Variants in SGCZ observed in about 807,000 individuals in gnomAD.
SGCZ encodes the protein sarcoglycan zeta.
A neutral mutation model predicts 41.3 loss-of-function variants in SGCZ; 40 were observed. The observed-to-expected ratio is 0.97, with a 90% CI of 0.75 to 1.26. The LOEUF is 1.26. Ranked by LOEUF, SGCZ falls within the 50% of genes most tolerant of loss-of-function variation. SGCZ has a pLI of 0.00. For synonymous variants in SGCZ, 206 were observed against 137.5 expected, an observed-to-expected ratio of 1.50 and a Z score of -3.49; for missense variants, 552 against 369.8, an observed-to-expected ratio of 1.49 and a Z score of -4.04.
intron 2 of SGCZ, among the ~76,000 whole-genome samples, chr8:14,489,918 G>A (rs1801795190): frequency 7.3e-6 from 1 of 137,072 alleles, no homozygotes; most frequent in South Asian, 2.3e-4. Flanking sequence ...CCAGACTGGA[G>A]TACAAGTGGC....
chr8:14,731,405 G>A (rs1810235006), intron 1 of SGCZ, among the ~76,000 whole-genome samples: 1 of 151,990 alleles, frequency 6.6e-6, no homozygotes, highest in African/African-American at 2.4e-5. Context: ...GGATAGGGGA[G>A]GGAGAGTATT....
At chr8:14,196,879 C>A (rs907778211) in intron 4 of SGCZ, among the ~76,000 whole-genome samples, 5 of 152,002 alleles carry the variant, frequency 3.3e-5, no homozygotes, top group East Asian at 1.9e-4. Flanking sequence ...CAAATAAATT[C>A]TAATTTAAAG....
At chr8:14,109,748 T>C (rs1209869426) in intron 5 of SGCZ, among the ~76,000 whole-genome samples, 1 of 152,192 alleles carries the variant, frequency 6.6e-6, no homozygotes, top group African/African-American at 2.4e-5. Context: ...TTGCATAATA[T>C]AGCAATACAG....
At chr8:15,156,194 A>C (rs1451390626) in intron 1 of SGCZ, among the ~76,000 whole-genome samples, 1 of 152,158 alleles carries the variant, frequency 6.6e-6, no homozygotes, top group African/African-American at 2.4e-5. Flanking sequence ...AAGGAGACTC[A>C]ATTAATTACT....
intron 1 of SGCZ, among the ~76,000 whole-genome samples, chr8:14,836,460 A>C (rs1802706231): frequency 6.6e-6 from 1 of 152,142 alleles, no homozygotes; most frequent in African/African-American, 2.4e-5. Flanking sequence ...CCCGCTTTCT[A>C]GTCTGTCGCC....
intron 2 of SGCZ, among the ~76,000 whole-genome samples, chr8:14,543,798 T>A (rs942387573): frequency 3.3e-5 from 5 of 152,182 alleles, no homozygotes; most frequent in African/African-American, 1.2e-4. Context: ...TACACACAAG[T>A]ACCATAGTAA....
intron 1 of SGCZ, among the ~76,000 whole-genome samples, chr8:15,058,505 T>C (rs1804797377): frequency 6.6e-6 from 1 of 152,212 alleles, no homozygotes; most frequent in African/African-American, 2.4e-5. Context: ...ATAACAAATC[T>C]TAAAAATCTT....
At chr8:14,977,986 AT>A (rs1156272088) in intron 1 of SGCZ, among the ~76,000 whole-genome samples, 2 of 151,364 alleles carry the variant, frequency 1.3e-5, no homozygotes, top group Non-Finnish European at 2.9e-5. Flanking sequence ...TTTCTTTATA[AT>A]TTGGGGATGA....
At chr8:14,183,515 T>C (rs1017894386) in intron 4 of SGCZ, among the ~76,000 whole-genome samples, 17 of 152,212 alleles carry the variant, frequency 1.1e-4, no homozygotes, top group African/African-American at 3.9e-4. Flanking sequence ...CTGCACATTA[T>C]ATTTACTCTG....
At chr8:14,718,177 C>A (rs944635126) in intron 1 of SGCZ, among the ~76,000 whole-genome samples, 1 of 151,724 alleles carries the variant, frequency 6.6e-6, no homozygotes, top group African/African-American at 2.4e-5. Context: ...CACACACAAA[C>A]ACACATACAA....
At chr8:14,313,248 T>A (rs1383517859) in intron 3 of SGCZ, among the ~76,000 whole-genome samples, 1 of 152,198 alleles carries the variant, frequency 6.6e-6, no homozygotes, top group Admixed American at 6.5e-5. Flanking sequence ...TAGTAGGAAC[T>A]ATCCAAGATG....
intron 4 of SGCZ, among the ~76,000 whole-genome samples, chr8:14,187,511 A>G (rs999375652): frequency 6.6e-6 from 1 of 152,198 alleles, no homozygotes; most frequent in African/African-American, 2.4e-5. Flanking sequence ...GAGAATATCA[A>G]CAAAGATATA....
intron 1 of SGCZ, among the ~76,000 whole-genome samples, chr8:15,005,652 T>TTA (rs57350799): frequency 6.6e-6 from 1 of 151,636 alleles, no homozygotes; most frequent in South Asian, 2.1e-4. Flanking sequence ...TTTTTTCTTT[T>TTA]ACCAGAGTCT....
At chr8:14,379,941 G>A (rs1037151686) in intron 2 of SGCZ, among the ~76,000 whole-genome samples, 5 of 152,012 alleles carry the variant, frequency 3.3e-5, no homozygotes, top group South Asian at 2.1e-4. Context: ...CATGTTGGCC[G>A]GGCCTGGTCT....
intron 2 of SGCZ, among the ~76,000 whole-genome samples, chr8:14,439,664 A>T (rs951441277): frequency 6.6e-6 from 1 of 152,006 alleles, no homozygotes; most frequent in Non-Finnish European, 1.5e-5. Context: ...GTATAAACCA[A>T]AGAAGAAAAA....
At chr8:15,097,859 T>TAG (rs1485978682) in intron 1 of SGCZ, among the ~76,000 whole-genome samples, 1 of 4,326 alleles carries the variant, frequency 2.3e-4, no homozygotes, top group African/African-American at 5.4e-4. Flanking sequence ...TATATATACG[T>TAG]GTGTGTGTAT....
chr8:14,785,680 T>A (rs1800747196), intron 1 of SGCZ, among the ~76,000 whole-genome samples: 1 of 152,216 alleles, frequency 6.6e-6, no homozygotes, highest in South Asian at 2.1e-4. Flanking sequence ...TAATTTAAGC[T>A]ATTTATACTA....
Position 15,237,768 on chromosome 8 carries a change from C to T in SGCZ, c.-145G>A. The T allele has an allele frequency of 1.5e-6, 1 of 682,608 alleles. No homozygotes were observed. Among genetic ancestry groups the T allele is most frequent in the South Asian group, 1.9e-5 (1 of 54,012 alleles). 42.3% of individuals were successfully genotyped at this position (682,608 alleles called of 1,614,324 possible). ...AGTCTCATTCTCCGTGGTCACGCCGCCTCCACCGGGTTAAAAATAAGGAAA... is the reference window on the plus strand; with the variant it reads ...AGTCTCATTCTCCGTGGTCACGCCGTCTCCACCGGGTTAAAAATAAGGAAA... On this transcript the variant is annotated 5_prime_UTR_variant, in exon 1 of 8. Coordinates refer to ENST00000382080, the MANE Select transcript of SGCZ (RefSeq NM_139167.4).
intron 2 of SGCZ, among the ~76,000 whole-genome samples, chr8:14,413,797 A>C (rs2117284407): frequency 6.6e-6 from 1 of 152,090 alleles, no homozygotes; most frequent in Middle Eastern, 3.4e-3. Context: ...TGTTTTACAA[A>C]CCCATTCATA....
Sources: allele counts gnomAD v4.1 joint callset (sites outside exome capture counted in the v4.1 genomes callset), GRCh38; gene constraint gnomAD v4.1.1; transcripts MANE v1.5; gene names NCBI Gene and HGNC (gene_info 2026-07-23, HGNC 2026-07-21).